RSF1: variants seen among roughly 807,000 people sequenced by gnomAD.
RSF1 encodes the protein HBV pX-associated protein 8.
In RSF1, 13 loss-of-function variants were observed where a neutral mutation model predicts 145.2. The ratio of observed to expected loss-of-function variants is 0.09; its 90% CI spans 0.06 to 0.14. The LOEUF is 0.14. Ranked by LOEUF, RSF1 falls within the 10% of genes least tolerant of loss-of-function variation. RSF1 has a pLI of 1.00. For synonymous variants in RSF1, 577 were observed against 592.6 expected (o/e 0.97, Z 0.38); for missense variants, 1,517 against 1,718.2 (o/e 0.88, Z 2.07).
intron 4 of RSF1, among the ~76,000 whole-genome samples, chr11:77,733,748 G>T (rs1280801421): frequency 6.6e-6 from 1 of 152,042 alleles, no homozygotes; most frequent in African/African-American, 2.4e-5. Context: ...TTGTTGTAGA[G>T]ACAGGGTTTC....
At chr11:77,786,718 T>C (rs1428121769) in intron 1 of RSF1, among the ~76,000 whole-genome samples, 5 of 152,062 alleles carry the variant, frequency 3.3e-5, no homozygotes, top group Non-Finnish European at 7.4e-5. Context: ...CCAAATCTCT[T>C]AAAATACAGT....
chr11:77,859,451 C>G, the RSF1 span, among the ~76,000 whole-genome samples: 1 of 152,148 alleles, frequency 6.6e-6, no homozygotes, highest in Non-Finnish European at 1.5e-5. Flanking sequence ...TTAGGAATTC[C>G]TTTTCTCTCC....
chr11:77,672,808 G>C (rs1959592798), intron 14 of RSF1, among the ~76,000 whole-genome samples: 1 of 151,974 alleles, frequency 6.6e-6, no homozygotes, highest in Admixed American at 6.6e-5. Context: ...TCAGCCTTCC[G>C]AGTAGCTGGG....
chr11:77,841,687 C>T, the RSF1 span, among the ~76,000 whole-genome samples: 1 of 152,256 alleles, frequency 6.6e-6, no homozygotes, highest in East Asian at 1.9e-4. Flanking sequence ...TGATGCATAT[C>T]CTTGCAGCCT....
At position 77,689,855 on chromosome 11, in the gene RSF1, A is replaced by G. The variant is rs187920295; in HGVS notation, c.2900+1304T>C. Among the ~76,000 whole-genome samples the G allele has an allele frequency of 1.4e-3, 207 of 152,302 alleles. 1 individual carries two copies. Among genetic ancestry groups the G allele is most frequent in the African/African-American group, 3.3e-3 (138 of 41,588 alleles). ...AAGAGGAGGCTCAAGTTCAGTCTTA[A>G]GAACTTCATCTAAGAACCCTTCTCC... On this transcript the variant is annotated intron_variant, in intron 9 of 15. Coordinates refer to ENST00000308488, the MANE Select transcript of RSF1 (RefSeq NM_016578.4).
chr11:77,663,951 T>G lies in RSF1; in HGVS notation c.*2966A>C, dbSNP rs1959297415. ...TTTAAATTATTAAAGGGCTCTATTA[T>G]GTAGCAGCTATTTTGAGTCTAAATC... On this transcript the variant is annotated 3_prime_UTR_variant, in exon 16 of 16. Coordinates refer to ENST00000308488, the MANE Select transcript of RSF1 (RefSeq NM_016578.4). The G allele has an allele frequency of 6.6e-6, 1 of 152,198 alleles. No homozygotes were observed. The highest frequency in any genetic ancestry group is 1.5e-5 in the Non-Finnish European group (1 of 68,034). The allele number at this position is 152,198 out of a possible 1,614,324, so 9.4% of individuals were successfully genotyped here.
intron 1 of RSF1, among the ~76,000 whole-genome samples, chr11:77,791,552 G>T (rs1013205514): frequency 7.9e-5 from 12 of 152,100 alleles, no homozygotes; most frequent in Admixed American, 1.3e-4. Flanking sequence ...AAACTTTTAT[G>T]TGGTGCTTCC....
chr11:77,853,591 T>A, the RSF1 span, among the ~76,000 whole-genome samples: 1 of 152,038 alleles, frequency 6.6e-6, no homozygotes, highest in Non-Finnish European at 1.5e-5. Flanking sequence ...GGACACAAAT[T>A]CAAACCATAT....
rs58840921 is a variant in RSF1, at chr11:77,672,579, T to TA, written c.3563-350dup. On this transcript the variant is annotated intron_variant, in intron 14 of 15. Transcript: ENST00000308488. The stretch of plus-strand genomic sequence containing the variant: ...ACATGCCTGGCCTTTAAGTCTCCCT[T>TA]AAAAAAAAAAAAAATGACTCAATCT... 7.0e-3 allele frequency among the ~76,000 whole-genome samples: 1,020 copies of TA among 145,436 alleles called. 15 individuals carry two copies. The highest frequency in any genetic ancestry group is 0.02 in the African/African-American group (813 of 40,000).
At chr11:77,754,663 A>G in intron 2 of RSF1, among the ~76,000 whole-genome samples, 1 of 151,974 alleles carries the variant, frequency 6.6e-6, no homozygotes, top group East Asian at 1.9e-4. Context: ...GCTGAGGCAG[A>G]AGCCAGGGAG....
At chr11:77,690,007 C>T (rs1236742600) in intron 9 of RSF1, among the ~76,000 whole-genome samples, 5 of 151,816 alleles carry the variant, frequency 3.3e-5, no homozygotes, top group African/African-American at 9.7e-5. Context: ...ACTAAAAATA[C>T]AAAAATTAGC....
intron 5 of RSF1, among the ~76,000 whole-genome samples, chr11:77,703,934 A>G (rs1370130181): frequency 6.6e-6 from 1 of 152,240 alleles, no homozygotes; most frequent in African/African-American, 2.4e-5. Context: ...ATTAGCTAGT[A>G]TATCAGGAAA....
intron 1 of RSF1, 88 bp from the exon 2 acceptor site, chr11:77,764,777 C>A: frequency 3.7e-6 from 3 of 819,608 alleles, no homozygotes; most frequent in South Asian, 1.6e-5. Context: ...CTTCTCCAAC[C>A]CTGGATACCT....
chr11:77,667,124 T>C lies in RSF1; in HGVS notation c.4119A>G (p.Gly1373=). The C allele has an allele frequency of 6.2e-7, 1 of 1,614,216 alleles. No individual in the cohort carries two copies. The highest frequency in any genetic ancestry group is 8.5e-7 in the Non-Finnish European group (1 of 1,180,046). The change falls in exon 16 of 16, where the codon GGA becomes GGG. Residue 1373 remains glycine, a synonymous_variant. Coordinates refer to ENST00000308488, the MANE Select transcript of RSF1 (RefSeq NM_016578.4). ...YSLVDLPSTN[G]QSPGKAIENL... ...TCTCAATGGCTTTGCCAGGGCTCTG[T>C]CCATTGGTTGAAGGTAAGTCCACTA...
intron 5 of RSF1, among the ~76,000 whole-genome samples, chr11:77,715,499 G>C (rs144377910): frequency 0.011 from 1,698 of 152,258 alleles, 25 homozygotes; most frequent in African/African-American, 0.039. Context: ...CCAGGCTGGA[G>C]TGCAGTAGCG....
At chr11:77,870,376 C>T in the RSF1 span, among the ~76,000 whole-genome samples, 1 of 115,440 alleles carries the variant, frequency 8.7e-6, no homozygotes, top group East Asian at 2.6e-4. Context: ...CTTGTTCTGT[C>T]GCCCAGGCTG....
intron 1 of RSF1, among the ~76,000 whole-genome samples, chr11:77,796,904 T>A (rs550932427): frequency 1.3e-5 from 2 of 152,282 alleles, no homozygotes; most frequent in Admixed American, 1.3e-4. Context: ...GAACTCCCAT[T>A]CAAAATTGCT....
chr11:77,832,359 T>C, the RSF1 span, among the ~76,000 whole-genome samples: 2 of 151,430 alleles, frequency 1.3e-5, no homozygotes, highest in Non-Finnish European at 2.9e-5. Flanking sequence ...GGCGTTTCGC[T>C]CTTGTTGCCC....
chr11:77,821,732 G>A (rs1948913221), upstream of RSF1, among the ~76,000 whole-genome samples: 2 of 152,090 alleles, frequency 1.3e-5, no homozygotes, highest in South Asian at 4.1e-4. Flanking sequence ...GGGGCGGGGC[G>A]GGGGCAGTGA....
Sources: gnomAD v4.1 joint callset for allele counts (sites outside exome capture counted in the v4.1 genomes callset) on GRCh38, gnomAD v4.1.1 for gene constraint, MANE v1.5 for transcripts, NCBI Gene and HGNC (gene_info 2026-07-23, HGNC 2026-07-21) for gene names.